FAM83F: variants seen among roughly 807,000 people sequenced by gnomAD.
FAM83F encodes scaffolding CK1 anchoring protein F.
In FAM83F, 45 loss-of-function variants were observed where a neutral mutation model predicts 42.9. The observed-to-expected ratio is 1.05, with a 90% confidence interval of 0.83 to 1.35. The LOEUF (loss-of-function observed/expected upper bound fraction) is 1.35, where lower values mean the gene tolerates loss of function less well. FAM83F is among the 40% of genes most tolerant of loss of function. The probability of loss-of-function intolerance (pLI) is 0.00; values close to 1 mark genes in which losing one functional copy is unlikely to be tolerated. For missense variants in FAM83F, 617 were observed against 695.9 expected, an observed-to-expected ratio of 0.89 and a Z score of 1.28; for synonymous variants, 306 against 298.3, an observed-to-expected ratio of 1.03 and a Z score of -0.27.
chr22:40,021,492 G>A lies in FAM83F; in HGVS notation c.982G>A (p.Ala328Thr), dbSNP rs140734376. Residue 328 changes from alanine (A) to threonine (T), a missense_variant, in exon 4 of 5, where the codon GCC (alanine) becomes ACC (threonine). Coordinates refer to ENST00000333407, the MANE Select transcript of FAM83F (RefSeq NM_138435.4). This position sits in a 1 kb window ranked among gnomAD's most constrained non-coding sequence, Gnocchi z 8.7. ...VARKLINPKY[A>T]LVSGCRHPPG... ...TCGAAAGCTTATCAACCCCAAGTAC[G>A]CCTTGGTGTCAGGCTGCCGCCACCC... 3.1e-6 allele frequency: 5 copies of A among 1,590,208 alleles called. No homozygotes were observed. Among genetic ancestry groups the A allele is most frequent in the African/African-American group, 2.7e-5 (2 of 74,398 alleles).
chr22:40,005,689 G>A (rs1314309811), intron 1 of FAM83F, among the ~76,000 whole-genome samples: 1 of 152,242 alleles, frequency 6.6e-6, no homozygotes, highest in Non-Finnish European at 1.5e-5. Context: ...AGGGGTTGCA[G>A]CAGGGAGACC....
chr22:40,025,955 C>T (rs954215245), intron 4 of FAM83F, among the ~76,000 whole-genome samples: 2 of 152,196 alleles, frequency 1.3e-5, no homozygotes, highest in South Asian at 4.1e-4. Flanking sequence ...CACCCAGTTC[C>T]CCCAGGGAGA....
At chr22:40,012,107 TGTAAA>T (rs2067468149) in intron 1 of FAM83F, among the ~76,000 whole-genome samples, 1 of 152,224 alleles carries the variant, frequency 6.6e-6, no homozygotes. Flanking sequence ...ATCTCATAGT[TGTAAA>T]GTAGTCTCTT....
At chr22:40,019,390 C>G in intron 2 of FAM83F, 55 bp downstream of exon 2, 6 of 1,531,488 alleles carry the variant, frequency 3.9e-6, no homozygotes, top group Non-Finnish European at 5.4e-6. Flanking sequence ...GAGACTACCT[C>G]TGCCCCGTCC....
chr22:40,017,027 A>T (rs1339395816), intron 1 of FAM83F, among the ~76,000 whole-genome samples: 1 of 151,960 alleles, frequency 6.6e-6, no homozygotes, highest in African/African-American at 2.4e-5. Flanking sequence ...TCCTCAGATA[A>T]AACTTTTTTT....
chr22:40,026,540 AC>A (rs199865128), intron 4 of FAM83F, among the ~76,000 whole-genome samples: 2,103 of 152,048 alleles, frequency 0.014, 38 homozygotes, highest in African/African-American at 0.048. Context: ...ACAAAACAAA[AC>A]AAAAAACTGT....
In FAM83F at chr22:40,021,895, C is replaced by A; in HGVS notation, c.1385C>A (p.Thr462Asn). ...APNGMASSVS[T>N]ETSEVEFLTG... is the part of the protein sequence containing the mutation. The stretch of plus-strand genomic sequence containing the variant: ...AATGGCATGGCCAGCTCTGTCTCCA[C>A]CGAGACCTCTGAAGTGGAGTTTCTG... Residue 462 changes from threonine to asparagine, a missense_variant, in exon 4 of 5, where the codon ACC becomes AAC. Physicochemically the swap from Thr to Asn is moderately conservative, Grantham distance 65 (BLOSUM62 0). Transcript: ENST00000333407. This position sits in a 1 kb window ranked among gnomAD's most constrained non-coding sequence, Gnocchi z 8.7. 6.2e-7 allele frequency: 1 copy of A among 1,601,242 alleles called. No individual in the cohort carries two copies. The highest frequency in any genetic ancestry group is 1.3e-5 in the African/African-American group (1 of 74,388).
At chr22:40,020,641 G>A (rs898562083) in intron 3 of FAM83F, among the ~76,000 whole-genome samples, 31 of 152,234 alleles carry the variant, frequency 2.0e-4, no homozygotes, top group African/African-American at 5.5e-4. Flanking sequence ...GAGATTACAG[G>A]TGTGAGCCTG....
intron 1 of FAM83F, among the ~76,000 whole-genome samples, chr22:40,018,863 A>G (rs983134777): frequency 6.6e-6 from 1 of 152,182 alleles, no homozygotes; most frequent in African/African-American, 2.4e-5. Flanking sequence ...TGCTAGGATT[A>G]CAGGTGTGAG....
chr22:39,998,447 C>T (rs968464922), intron 1 of FAM83F, among the ~76,000 whole-genome samples: 5 of 147,588 alleles, frequency 3.4e-5, no homozygotes, highest in East Asian at 2.0e-4. Flanking sequence ...CACAGGCCAG[C>T]GGGTGATTCT....
chr22:40,017,225 CTTTTTTTTTT>C (rs59308005), intron 1 of FAM83F, among the ~76,000 whole-genome samples: 1 of 115,586 alleles, frequency 8.7e-6, no homozygotes, highest in African/African-American at 3.5e-5. Context: ...TCAGCACTTT[CTTTTTTTTTT>C]TTTTTTTTTT....
intron 4 of FAM83F, among the ~76,000 whole-genome samples, chr22:40,026,068 G>C (rs1370428818): frequency 6.6e-6 from 1 of 152,188 alleles, no homozygotes; most frequent in Non-Finnish European, 1.5e-5. Context: ...CCTGATGACA[G>C]CATCTCACAA....
chr22:40,015,099 A>AGATCC (rs1424521075), intron 1 of FAM83F, among the ~76,000 whole-genome samples: 1 of 152,174 alleles, frequency 6.6e-6, no homozygotes, highest in Admixed American at 6.5e-5. Context: ...TGTGTAAGAG[A>AGATCC]GATCCACGGA....
Position 40,030,241 on chromosome 22 carries a change from G to T in FAM83F, c.*676G>T, listed in dbSNP as rs571875483. 1.3e-5 allele frequency: 2 copies of T among 152,168 alleles called. No homozygotes were observed. Among genetic ancestry groups the T allele is most frequent in the Admixed American group, 1.3e-4 (2 of 15,278 alleles). The allele number at this position is 152,168 out of a possible 1,614,324, so 9.4% of individuals were successfully genotyped here. ...CTTTTCTGAGAGCGCTCGCACTGAG[G>T]TCTCTTTTTCCCTGCCCAGTGCCGT... On this transcript the variant is annotated 3_prime_UTR_variant, in exon 5 of 5. Transcript: ENST00000333407.
Position 40,030,629 on chromosome 22 carries a change from C to G in FAM83F, c.*1064C>G, listed in dbSNP as rs2067581072. On this transcript the variant is annotated 3_prime_UTR_variant, in exon 5 of 5. Coordinates refer to ENST00000333407, the MANE Select transcript of FAM83F (RefSeq NM_138435.4). ...GCAGGTCAGCCTAATGGCCATGAGG[C>G]TGAGCTGGGAGGCCCAGTAAGCAAT... The G allele has an allele frequency of 6.6e-6, 1 of 152,260 alleles. No individual in the cohort carries two copies. The highest frequency in any genetic ancestry group is 1.5e-5 in the Non-Finnish European group (1 of 68,080). The allele number at this position is 152,260 out of a possible 1,614,324, so 9.4% of individuals were successfully genotyped here.
At position 40,032,790 on chromosome 22, in the gene FAM83F, T is replaced by C. The variant is rs9611254; in HGVS notation, c.*3225T>C. 48,926 of 151,784 alleles carry C rather than the reference T, an allele frequency of 0.32. 8,137 individuals carry two copies. The highest frequency in any genetic ancestry group is 0.38 in the South Asian group (1,847 of 4,810). 9.4% of individuals were successfully genotyped at this position (151,784 alleles called of 1,614,324 possible). On this transcript the variant is annotated 3_prime_UTR_variant, in exon 5 of 5. Transcript: ENST00000333407. ...TTCACCATGTTAGCCAGGTTGGTCT[T>C]GATCTCCTGACCTTGTGATCCGCCC...
Position 40,013,384 on chromosome 22 carries a change from G to A in FAM83F, c.490-5784G>A, listed in dbSNP as rs145788353. Among the ~76,000 whole-genome samples the A allele has an allele frequency of 2.5e-3, 386 of 152,246 alleles. 3 individuals are homozygous for A. Among genetic ancestry groups the A allele is most frequent in the African/African-American group, 8.8e-3 (364 of 41,532 alleles). ...AAAGGGCATTTTTTTTCTCCACTGA[G>A]TTGTGATTCTACCCTATCATACATG... is the stretch of plus-strand genomic sequence containing the variant. On this transcript the variant is annotated intron_variant, in intron 1 of 4. Coordinates refer to ENST00000333407, the MANE Select transcript of FAM83F (RefSeq NM_138435.4).
intron 1 of FAM83F, among the ~76,000 whole-genome samples, chr22:40,004,150 A>G (rs2067415754): frequency 6.6e-6 from 1 of 152,116 alleles, no homozygotes; most frequent in African/African-American, 2.4e-5. Flanking sequence ...ATTCTGCCTT[A>G]AGTCTAATGG....
Position 39,995,752 on chromosome 22 carries a change from C to T in FAM83F, c.489+221C>T, listed in dbSNP as rs905247950. Among the ~76,000 whole-genome samples, 2 of 152,214 alleles carry T rather than the reference C, an allele frequency of 1.3e-5. No homozygotes were observed. The highest frequency in any genetic ancestry group is 2.9e-5 in the Non-Finnish European group (2 of 68,044). ...AAGGTGCTGGACAGATGTCAGCCGTCGGTATTCCAGCGTTCAGAGGCACTG... is the reference window on the plus strand; with the variant it reads ...AAGGTGCTGGACAGATGTCAGCCGTTGGTATTCCAGCGTTCAGAGGCACTG... On this transcript the variant is annotated intron_variant, in intron 1 of 4. Coordinates refer to ENST00000333407, the MANE Select transcript of FAM83F (RefSeq NM_138435.4). The surrounding 1 kb of genome is among the most constrained non-coding windows in gnomAD (Gnocchi z 4.6).
Sources: allele counts gnomAD v4.1 joint callset (sites outside exome capture counted in the v4.1 genomes callset), GRCh38; gene constraint gnomAD v4.1.1; non-coding constraint Gnocchi (gnomAD v3.1); transcripts MANE v1.5; gene names NCBI Gene and HGNC (gene_info 2026-07-23, HGNC 2026-07-21).